COMMD3: variants seen among roughly 807,000 people sequenced by gnomAD.
COMMD3 encodes COMM domain containing 3, also known as COMM domain-containing protein 3.
In COMMD3, 31 loss-of-function variants were observed where a neutral mutation model predicts 31.2. That is an observed-to-expected ratio of 0.99 (90% CI 0.75 to 1.34). COMMD3 has a LOEUF of 1.34. Among genes scored for constraint, COMMD3 ranks in the 40% most tolerant of loss-of-function variants. COMMD3 has a pLI of 0.00. For synonymous variants in COMMD3, 108 were observed against 87.3 expected (o/e 1.24, Z -1.32); for missense variants, 274 against 236.9 (o/e 1.16, Z -1.03).
At chr10:22,319,814 T>C in intron 7 of COMMD3, 125 bp from the exon 8 acceptor site, 1 of 1,209,950 alleles carries the variant, frequency 8.3e-7, no homozygotes, top group Non-Finnish European at 1.1e-6. Flanking sequence ...AAAGTTAAAA[T>C]CTTGTTGAAT....
intron 1 of COMMD3, chr10:22,317,499 C>T (rs1835873407): frequency 5.9e-6 from 1 of 170,704 alleles, no homozygotes; most frequent in Non-Finnish European, 1.3e-5. Context: ...TTACCCTAAA[C>T]TCATCATTTT....
At chr10:22,319,211 A>T in intron 7 of COMMD3, 193 bp downstream of exon 7, 1 of 582,314 alleles carries the variant, frequency 1.7e-6, no homozygotes, top group Non-Finnish European at 2.8e-6. Flanking sequence ...TTAAGATGTT[A>T]TTAATAGAGA....
At chr10:22,319,265 G>A in intron 7 of COMMD3, 1 of 382,486 alleles carries the variant, frequency 2.6e-6, no homozygotes. Flanking sequence ...ATAAACTTCT[G>A]TAGTGTTTAG....
rs1835882570 is a variant in COMMD3, at chr10:22,317,943, G to A, written c.199G>A (p.Ala67Thr). The A allele has an allele frequency of 6.2e-7, 1 of 1,613,982 alleles. No individual in the cohort carries two copies. Among genetic ancestry groups the A allele is most frequent in the African/African-American group, 1.3e-5 (1 of 75,042 alleles). ...VVLKHCHAAA[A>T]TYILEAGKHR... ...TTTAAAACATTGTCATGCAGCAGCT[G>A]CAACTTACATACTAGAGGCAGGAAA... The change falls in exon 2 of 8, where the codon GCA becomes ACA. Residue 67 changes from alanine to threonine, a missense_variant. Ala to Thr is a moderately conservative substitution (Grantham distance 58, BLOSUM62 0). Coordinates refer to ENST00000376836, the MANE Select transcript of COMMD3 (RefSeq NM_012071.4).
rs376503129 is a variant in COMMD3 at position 22,318,996 on chromosome 10, G to A, written c.506G>A (p.Ser169Asn). The stretch of plus-strand genomic sequence containing the variant: ...CCATCCTATCCAGAGATTAGTTTTA[G>A]TTGCAGCATGGAACAATTACAGGTA... ...DSPSYPEISF[S>N]CSMEQLQDLV... The change falls in exon 7 of 8, where the codon AGT (serine) becomes AAT (asparagine). Residue 169 changes from serine (S) to asparagine (N), a missense_variant. By Grantham distance (46) the Ser-to-Asn change is conservative (BLOSUM62 1). Coordinates refer to ENST00000376836, the MANE Select transcript of COMMD3 (RefSeq NM_012071.4). 19 of 1,611,558 alleles carry A rather than the reference G, an allele frequency of 1.2e-5. No homozygotes were observed. In the African/African-American group the frequency reaches 2.0e-4, roughly 17 times the overall value.
intron 4 of COMMD3, 43 bp from the exon 5 acceptor site, chr10:22,318,610 C>A: frequency 6.5e-7 from 1 of 1,542,312 alleles, no homozygotes. Context: ...CTGAAAAGTT[C>A]TTCTGAGGAG....
chr10:22,317,433 A>T (rs1835872192), intron 1 of COMMD3: 1 of 153,782 alleles, frequency 6.5e-6, no homozygotes, highest in South Asian at 2.0e-4. Context: ...TGTATCTTAT[A>T]TTCTGAACTC....
intron 1 of COMMD3, among the ~76,000 whole-genome samples, chr10:22,317,277 T>G (rs1188143384): frequency 1.3e-5 from 2 of 152,178 alleles, no homozygotes; most frequent in Non-Finnish European, 2.9e-5. Flanking sequence ...AATTTTTGTT[T>G]TTTTTCTGTA....
rs758088702 is a variant in COMMD3, at chr10:22,318,669, C to T, written c.367C>T (p.Pro123Ser). The T allele has an allele frequency of 1.9e-6, 3 of 1,612,888 alleles. No homozygotes were observed. The highest frequency in any genetic ancestry group is 2.5e-6 in the Non-Finnish European group (3 of 1,179,210). The change falls in exon 5 of 8, where the codon CCT becomes TCT. Residue 123 changes from proline (P) to serine (S), a missense_variant. Coordinates refer to ENST00000376836, the MANE Select transcript of COMMD3 (RefSeq NM_012071.4). ...ILLGSIGRSL[P>S]HITDVSWRLE... The stretch of plus-strand genomic sequence containing the variant: ...ATCTTTCAGTATAGGCAGATCTCTC[C>T]CTCATATAACGGATGTTTCTTGGCG...
At position 22,320,136 on chromosome 10, in the gene COMMD3, A is replaced by G; in HGVS notation, c.*138A>G. ...CCTTTTGAATTTATACCATTCATCA[A>G]TTTTGACACTTTAAAAACGTGTGAA... On this transcript the variant is annotated 3_prime_UTR_variant, in exon 8 of 8. Transcript: ENST00000376836. The G allele has an allele frequency of 6.4e-7, 1 of 1,555,786 alleles. No individual in the cohort carries two copies. Among genetic ancestry groups the G allele is most frequent in the Admixed American group, 2.0e-5 (1 of 50,998 alleles).
chr10:22,320,261 T>C lies in COMMD3; in HGVS notation c.*263T>C, dbSNP rs1257447976. ...CTTTTTCAAGTCTTCTGAAAGGAAG[T>C]AGACAGTATTACACCCTGAATAAAT... On this transcript the variant is annotated 3_prime_UTR_variant, in exon 8 of 8. Transcript: ENST00000376836. The C allele has an allele frequency of 9.7e-6, 8 of 824,098 alleles. No individual in the cohort carries two copies. In the Middle Eastern group the frequency reaches 1.1e-3, roughly 118 times the overall value. The allele number at this position is 824,098 out of a possible 1,614,324, so 51.0% of individuals were successfully genotyped here.
At chr10:22,319,063 TTTAC>T (rs1835909651) in intron 7 of COMMD3, 45 bp downstream of exon 7, 2 of 1,547,054 alleles carry the variant, frequency 1.3e-6, no homozygotes, top group East Asian at 2.3e-5. Context: ...TTTATAAATG[TTTAC>T]TTGAGAGTTA....
At chr10:22,317,795 T>A in intron 1 of COMMD3, 89 bp from the exon 2 acceptor site, 1 of 1,441,646 alleles carries the variant, frequency 6.9e-7, no homozygotes, top group East Asian at 2.3e-5. Flanking sequence ...TGTTAAAGGG[T>A]TTTTAAACCC....
chr10:22,319,804 A>G, intron 7 of COMMD3, 135 bp from the exon 8 acceptor site: 1 of 1,137,044 alleles, frequency 8.8e-7, no homozygotes, highest in Non-Finnish European at 1.2e-6. Context: ...TAGTTTGTCA[A>G]AAGTTAAAAT....
Position 22,316,493 on chromosome 10 carries a change from A to G in COMMD3, c.76A>G (p.Thr26Ala). ...DPRSFDSNAF[T>A]LLLRAAFQSL... ...CCGCTCCTTCGACTCCAACGCCTTC[A>G]CGCTTCTCCTCCGGGCGGCATTCCA... The change falls in exon 1 of 8, where the codon ACG becomes GCG. Residue 26 changes from threonine to alanine, a missense_variant. Coordinates refer to ENST00000376836, the MANE Select transcript of COMMD3 (RefSeq NM_012071.4). 1 of 1,550,466 alleles carries G rather than the reference A, an allele frequency of 6.4e-7. No individual in the cohort carries two copies. Among genetic ancestry groups the G allele is most frequent in the South Asian group, 1.2e-5 (1 of 84,044 alleles).
chr10:22,319,932 C>T lies in COMMD3; in HGVS notation c.529-7C>T. ...TAAAAACGTGGTATTGTATACACGT[C>T]TTTTAGGACTTGGTGGGGAAACTTA... is the stretch of plus-strand genomic sequence containing the variant. On this transcript the variant is annotated splice_region_variant and splice_polypyrimidine_tract_variant and intron_variant, in intron 7 of 7. Transcript: ENST00000376836. The T allele has an allele frequency of 1.2e-6, 2 of 1,613,938 alleles. No homozygotes were observed. Among genetic ancestry groups the T allele is most frequent in the African/African-American group, 1.3e-5 (1 of 74,964 alleles).
chr10:22,316,479 A>G lies in COMMD3; in HGVS notation c.62A>G (p.Asp21Gly). 1.3e-6 allele frequency: 2 copies of G among 1,549,682 alleles called. No homozygotes were observed. The highest frequency in any genetic ancestry group is 1.7e-6 in the Non-Finnish European group (2 of 1,146,504). Residue 21 changes from aspartate to glycine, a missense_variant, in exon 1 of 8, where the codon GAC becomes GGC. Physicochemically the swap from Asp to Gly is moderately conservative, Grantham distance 94. Coordinates refer to ENST00000376836, the MANE Select transcript of COMMD3 (RefSeq NM_012071.4). ...ATGCTGGCGGATCCCCGCTCCTTCGACTCCAACGCCTTCACGCTTCTCCTC... is the reference window on the plus strand; with the variant it reads ...ATGCTGGCGGATCCCCGCTCCTTCGGCTCCAACGCCTTCACGCTTCTCCTC... ...FQMLADPRSFDSNAFTLLLRA... is the reference protein window; with the variant it reads ...FQMLADPRSFGSNAFTLLLRA...
chr10:22,318,458 A>G, intron 4 of COMMD3, 152 bp downstream of exon 4: 1 of 1,208,716 alleles, frequency 8.3e-7, no homozygotes, highest in Non-Finnish European at 1.2e-6. Context: ...CATGTTTTTA[A>G]AGATCGTTTA....
chr10:22,319,666 A>G, intron 7 of COMMD3: 2 of 349,152 alleles, frequency 5.7e-6, no homozygotes, highest in Non-Finnish European at 1.1e-5. Flanking sequence ...CCTTTGTTAG[A>G]TAACTTGAGA....
Sources: gnomAD v4.1 joint callset for allele counts (sites outside exome capture counted in the v4.1 genomes callset) on GRCh38, gnomAD v4.1.1 for gene constraint, MANE v1.5 for transcripts, NCBI Gene and HGNC (gene_info 2026-07-23, HGNC 2026-07-21) for gene names.